Variants in HIVEP2 observed in about 807,000 individuals in gnomAD.
HIVEP2 encodes the protein HIVEP zinc finger 2.
HIVEP2 carries 14 observed loss-of-function variants against 180.7 expected under a neutral mutation model. That is an observed-to-expected ratio of 0.08 (90% CI 0.05 to 0.12). The LOEUF is 0.12. Among genes scored for constraint, HIVEP2 ranks in the 10% least tolerant of loss-of-function variants. The probability of loss-of-function intolerance (pLI) is 1.00; values close to 1 mark genes in which losing one functional copy is unlikely to be tolerated. For missense variants in HIVEP2, 2,579 were observed against 3,008.5 expected (o/e 0.86, Z 3.34); for synonymous variants, 1,184 against 1,136.4 (o/e 1.04, Z -0.84).
intron 1 of HIVEP2, among the ~76,000 whole-genome samples, chr6:142,936,990 G>T (rs1778074487): frequency 6.6e-6 from 1 of 152,100 alleles, no homozygotes; most frequent in African/African-American, 2.4e-5. Flanking sequence ...TCTTAAGTAG[G>T]CCCAAGGCCC....
At chr6:142,909,955 T>C (rs1410409930) in intron 1 of HIVEP2, among the ~76,000 whole-genome samples, 1 of 152,234 alleles carries the variant, frequency 6.6e-6, no homozygotes. Context: ...CTGATTTTTA[T>C]AGTTTATCTA....
intron 3 of HIVEP2, among the ~76,000 whole-genome samples, chr6:142,778,618 A>G: frequency 6.6e-6 from 1 of 152,156 alleles, no homozygotes; most frequent in East Asian, 1.9e-4. Context: ...ATGGGCTGAT[A>G]CATACTGTTA....
At chr6:142,818,776 AGAAAGAAAGAAAG>A (rs1244671401) in intron 2 of HIVEP2, among the ~76,000 whole-genome samples, 29 of 148,702 alleles carry the variant, frequency 2.0e-4, no homozygotes, top group African/African-American at 7.3e-4. Flanking sequence ...AAAGAAAGAA[AGAAAGAAAGAAAG>A]AAAAAGAAAA....
chr6:142,854,802 T>C (rs1244142957), intron 1 of HIVEP2, among the ~76,000 whole-genome samples: 1 of 152,032 alleles, frequency 6.6e-6, no homozygotes. Flanking sequence ...CCCAGGAACA[T>C]GCACACGTTC....
intron 1 of HIVEP2, among the ~76,000 whole-genome samples, chr6:142,861,074 A>T (rs189091493): frequency 1.3e-4 from 20 of 152,362 alleles, no homozygotes; most frequent in Non-Finnish European, 2.6e-4. Context: ...ATCAGATAGC[A>T]GAAACATCAC....
Position 142,771,697 on chromosome 6 carries a change from G to A in HIVEP2, c.3042C>T (p.Tyr1014=), listed in dbSNP as rs556673375. ...SEFLTVPAGS[Y]SLSVPGHHHQ... Reference sequence around the variant, plus strand: ...GGTGATGGCCTGGGACAGACAATGAGTATGAACCAGCAGGGACAGTCAGAA... The same window carrying A: ...GGTGATGGCCTGGGACAGACAATGAATATGAACCAGCAGGGACAGTCAGAA... Residue 1014 remains tyrosine (Y), a synonymous_variant, in exon 5 of 10, where the codon TAC becomes TAT. Transcript: ENST00000367603. This position sits in a 1 kb window ranked among gnomAD's most constrained non-coding sequence, Gnocchi z 5.4. The A allele has an allele frequency of 3.5e-5, 57 of 1,614,168 alleles. No individual in the cohort carries two copies. The South Asian group carries it at 6.1e-4, about 17-fold the overall frequency.
At position 142,877,362 on chromosome 6, in the gene HIVEP2, T is replaced by A. The variant is rs556910928; in HGVS notation, c.-640-40315A>T. Among the ~76,000 whole-genome samples, 4 of 152,258 alleles carry A rather than the reference T, an allele frequency of 2.6e-5. No individual in the cohort carries two copies. The East Asian group carries it at 7.7e-4, about 29-fold the overall frequency. On this transcript the variant is annotated intron_variant, in intron 1 of 9. Coordinates refer to ENST00000367603, the MANE Select transcript of HIVEP2 (RefSeq NM_006734.4). ...AAGTGAAGAAAATATGGCCACAATA[T>A]AAGAAAATATGGCCACAATATAAAT...
intron 1 of HIVEP2, among the ~76,000 whole-genome samples, chr6:142,897,270 C>G (rs764298024): frequency 2.0e-5 from 3 of 152,064 alleles, no homozygotes; most frequent in Non-Finnish European, 4.4e-5. Flanking sequence ...CAGTTAGGAC[C>G]CTCATGCATG....
rs371550985 is a variant in HIVEP2 at position 142,940,614 on chromosome 6, C to T, written c.-641+4485G>A. On this transcript the variant is annotated intron_variant, in intron 1 of 9. Coordinates refer to ENST00000367603, the MANE Select transcript of HIVEP2 (RefSeq NM_006734.4). ...CTGCATTACCTTTCTCTTATCAGCC[C>T]CACTGGCTTGTTTTTAACTCCTGGA... Among the ~76,000 whole-genome samples the T allele has an allele frequency of 1.4e-4, 22 of 152,272 alleles. No individual in the cohort carries two copies. The East Asian group carries it at 4.2e-3, about 29-fold the overall frequency.
chr6:142,923,581 C>T (rs1343167486), intron 1 of HIVEP2, among the ~76,000 whole-genome samples: 1 of 152,044 alleles, frequency 6.6e-6, no homozygotes, highest in African/African-American at 2.4e-5. Context: ...TGGATGGATC[C>T]CAAACACACC....
intron 1 of HIVEP2, among the ~76,000 whole-genome samples, chr6:142,930,340 C>T (rs1777914440): frequency 6.6e-6 from 1 of 152,200 alleles, no homozygotes; most frequent in South Asian, 2.1e-4. Context: ...TTGCTTGCTT[C>T]ACAATCTTTG....
intron 1 of HIVEP2, among the ~76,000 whole-genome samples, chr6:142,908,571 G>C (rs1473120144): frequency 6.6e-6 from 1 of 152,050 alleles, no homozygotes; most frequent in African/African-American, 2.4e-5. Context: ...ATAATTGTTG[G>C]CTGGGACCTT....
At chr6:142,849,251 G>C (rs1296432069) in intron 1 of HIVEP2, among the ~76,000 whole-genome samples, 3 of 152,174 alleles carry the variant, frequency 2.0e-5, no homozygotes, top group Admixed American at 6.5e-5. Context: ...AGTTATTAAG[G>C]AAGCTCTGAC....
In HIVEP2 at chr6:142,914,188, G is replaced by A. The variant is rs564300005; in HGVS notation, c.-641+30911C>T. Among the ~76,000 whole-genome samples, 12 of 152,258 alleles carry A rather than the reference G, an allele frequency of 7.9e-5. No individual in the cohort carries two copies. In the East Asian group the frequency reaches 2.3e-3, roughly 29 times the overall value. ...CTCACATGTCAGCCACAGTTATCAT[G>A]TGCCATCAAATTTAAGTGGTCTACC... is the stretch of plus-strand genomic sequence containing the variant. On this transcript the variant is annotated intron_variant, in intron 1 of 9. Transcript: ENST00000367603.
intron 4 of HIVEP2, 33 bp from the exon 5 acceptor site, chr6:142,775,158 T>C (rs1225306356): frequency 2.6e-6 from 2 of 757,460 alleles, no homozygotes; most frequent in African/African-American, 2.2e-5. Context: ...GAGATTGTCA[T>C]AACAGTTTCA....
chr6:142,769,431 G>C (rs908087170), intron 5 of HIVEP2, 121 bp downstream of exon 5: 5 of 832,232 alleles, frequency 6.0e-6, no homozygotes, highest in Non-Finnish European at 9.3e-6. Flanking sequence ...TTCTGAAAAC[G>C]CCCCCACACT....
intron 1 of HIVEP2, among the ~76,000 whole-genome samples, chr6:142,844,456 G>A (rs949248335): frequency 5.9e-5 from 9 of 152,080 alleles, no homozygotes; most frequent in Non-Finnish European, 7.4e-5. Context: ...TATGAAATTC[G>A]TCATCTTATT....
intron 1 of HIVEP2, among the ~76,000 whole-genome samples, chr6:142,870,160 T>C (rs1249686533): frequency 6.6e-6 from 1 of 151,968 alleles, no homozygotes; most frequent in African/African-American, 2.4e-5. Flanking sequence ...TGCCAATCCT[T>C]TGGGGTTCAG....
At chr6:142,830,122 C>G (rs1349809490) in intron 2 of HIVEP2, among the ~76,000 whole-genome samples, 2 of 152,120 alleles carry the variant, frequency 1.3e-5, no homozygotes, top group African/African-American at 4.8e-5. Context: ...ATTTAAGAAA[C>G]TAAGGTTTTC....
Sources: allele counts gnomAD v4.1 joint callset (sites outside exome capture counted in the v4.1 genomes callset), GRCh38; gene constraint gnomAD v4.1.1; non-coding constraint Gnocchi (gnomAD v3.1); transcripts MANE v1.5; gene names NCBI Gene and HGNC (gene_info 2026-07-23, HGNC 2026-07-21).